The following SPATA17 variants were observed in gnomAD, a reference collection of about 807,000 sequenced individuals.
SPATA17 encodes spermatogenesis associated 17.
A neutral mutation model predicts 62.2 loss-of-function variants in SPATA17; 53 were observed. The ratio of observed to expected loss-of-function variants is 0.85; its 90% CI spans 0.68 to 1.07. SPATA17 has a LOEUF of 1.07. Among genes scored for constraint, SPATA17 ranks in the 50% least tolerant of loss-of-function variants. The probability of loss-of-function intolerance (pLI) is 0.00; values close to 1 mark genes in which losing one functional copy is unlikely to be tolerated. For synonymous variants in SPATA17, 146 were observed against 146.8 expected (o/e 0.99, Z 0.04); for missense variants, 466 against 425.5 (o/e 1.10, Z -0.84).
At chr1:217,651,952 A>G (rs6687659) in intron 3 of SPATA17, among the ~76,000 whole-genome samples, 8,112 of 152,240 alleles carry the variant, frequency 0.053, 703 homozygotes, top group African/African-American at 0.18. Context: ...ATAGTGGTAC[A>G]TTTAATATAC....
Position 217,804,057 on chromosome 1 carries a change from C to A in SPATA17, c.1005+2207C>A, listed in dbSNP as rs141301888. Among the ~76,000 whole-genome samples, 1,037 of 151,824 alleles carry A rather than the reference C, an allele frequency of 6.8e-3. 10 individuals carry two copies. Among genetic ancestry groups the A allele is most frequent in the African/African-American group, 0.024 (984 of 41,448 alleles). ...AAAGAAGAAGAAAAGAAAAAACAATCCTAAAATTCCTGAACCACAAAAGAC... is the reference window on the plus strand; with the variant it reads ...AAAGAAGAAGAAAAGAAAAAACAATACTAAAATTCCTGAACCACAAAAGAC... On this transcript the variant is annotated intron_variant, in intron 9 of 10. Transcript: ENST00000366933.
At chr1:217,733,900 T>C (rs1362899699) in intron 5 of SPATA17, among the ~76,000 whole-genome samples, 1 of 152,214 alleles carries the variant, frequency 6.6e-6, no homozygotes, top group African/African-American at 2.4e-5. Flanking sequence ...TGCTACAGAA[T>C]ATTTCATTTT....
intron 3 of SPATA17, among the ~76,000 whole-genome samples, chr1:217,662,494 A>G (rs943935526): frequency 5.3e-5 from 8 of 152,184 alleles, no homozygotes; most frequent in Non-Finnish European, 8.8e-5. Flanking sequence ...TTATAAAAAT[A>G]ACATTATATA....
intron 5 of SPATA17, among the ~76,000 whole-genome samples, chr1:217,730,934 A>G (rs1247063568): frequency 1.3e-5 from 2 of 152,168 alleles, no homozygotes; most frequent in Non-Finnish European, 2.9e-5. Context: ...CATTATTATG[A>G]AACTCTATTG....
At chr1:217,649,032 G>T in intron 2 of SPATA17, 61 bp downstream of exon 2, 3 of 1,196,754 alleles carry the variant, frequency 2.5e-6, no homozygotes, top group Non-Finnish European at 3.5e-6. Context: ...CTTAGAAAAT[G>T]TAATTTATTC....
At chr1:217,781,952 A>G (rs922764754) in intron 7 of SPATA17, among the ~76,000 whole-genome samples, 1 of 152,200 alleles carries the variant, frequency 6.6e-6, no homozygotes, top group Admixed American at 6.5e-5. Context: ...ACTTCTGTTT[A>G]ATTTTAAAGT....
At chr1:217,797,450 A>G (rs1339527299) in intron 8 of SPATA17, among the ~76,000 whole-genome samples, 1 of 151,866 alleles carries the variant, frequency 6.6e-6, no homozygotes, top group African/African-American at 2.4e-5. Flanking sequence ...AGGTTTTGCC[A>G]TGTTGTCCAG....
intron 5 of SPATA17, among the ~76,000 whole-genome samples, chr1:217,700,126 TG>T (rs1243557916): frequency 6.6e-6 from 1 of 152,108 alleles, no homozygotes; most frequent in African/African-American, 2.4e-5. Context: ...TTTTCAAGGT[TG>T]TTTTCATTTA....
chr1:217,830,168 T>C (rs1675100983), intron 9 of SPATA17, among the ~76,000 whole-genome samples: 1 of 152,142 alleles, frequency 6.6e-6, no homozygotes, highest in African/African-American at 2.4e-5. Context: ...TATAGATTCA[T>C]CTCATATCAT....
intron 5 of SPATA17, among the ~76,000 whole-genome samples, chr1:217,718,253 A>C (rs573295216): frequency 6.6e-6 from 1 of 152,328 alleles, no homozygotes; most frequent in Admixed American, 6.5e-5. Flanking sequence ...TATCTAAAAG[A>C]ATACCTGACT....
At chr1:217,764,276 A>C (rs1056308539) in intron 6 of SPATA17, among the ~76,000 whole-genome samples, 2 of 152,022 alleles carry the variant, frequency 1.3e-5, no homozygotes, top group African/African-American at 4.8e-5. Context: ...TAAGCCACTG[A>C]TCCTTTTACT....
intron 9 of SPATA17, among the ~76,000 whole-genome samples, chr1:217,832,642 A>G (rs1675170929): frequency 6.6e-6 from 1 of 152,124 alleles, no homozygotes; most frequent in African/African-American, 2.4e-5. Context: ...ATTCTCACAT[A>G]AAAATAAAGT....
intron 9 of SPATA17, among the ~76,000 whole-genome samples, chr1:217,815,275 A>G (rs1315030776): frequency 6.6e-6 from 1 of 152,210 alleles, no homozygotes; most frequent in Admixed American, 6.5e-5. Context: ...TTTGGTCTTA[A>G]GAATCAGGAA....
chr1:217,648,549 T>C (rs1195505293), intron 1 of SPATA17, among the ~76,000 whole-genome samples: 2 of 152,194 alleles, frequency 1.3e-5, no homozygotes, highest in Non-Finnish European at 2.9e-5. Context: ...ATTCAAATGA[T>C]TATGTTTTAA....
chr1:217,713,667 A>G (rs144455246), intron 5 of SPATA17, among the ~76,000 whole-genome samples: 1 of 152,222 alleles, frequency 6.6e-6, no homozygotes, highest in Non-Finnish European at 1.5e-5. Flanking sequence ...TTGATCCCTC[A>G]CCTAAGAAAT....
intron 9 of SPATA17, among the ~76,000 whole-genome samples, chr1:217,823,706 G>T (rs1421847946): frequency 6.6e-6 from 1 of 151,794 alleles, no homozygotes; most frequent in Non-Finnish European, 1.5e-5. Flanking sequence ...CTGAAAATGG[G>T]GTGCTGAAGT....
intron 9 of SPATA17, among the ~76,000 whole-genome samples, chr1:217,803,940 C>A (rs61825826): frequency 1.3e-5 from 2 of 151,884 alleles, no homozygotes; most frequent in Non-Finnish European, 2.9e-5. Flanking sequence ...ATCACTCAAA[C>A]CTTGGAGGCA....
At chr1:217,819,528 A>T (rs2102996135) in intron 9 of SPATA17, among the ~76,000 whole-genome samples, 1 of 152,014 alleles carries the variant, frequency 6.6e-6, no homozygotes, top group Non-Finnish European at 1.5e-5. Context: ...TAGCCTTTTA[A>T]CACTTAGTTT....
Position 217,715,829 on chromosome 1 carries a change from A to T in SPATA17, c.396-26146A>T, listed in dbSNP as rs533543173. ...TCAGTGTTTGTTCCCAGTGATGATCATCAGAATCCAGAACTAACAGCTAAC... is the reference window on the plus strand; with the variant it reads ...TCAGTGTTTGTTCCCAGTGATGATCTTCAGAATCCAGAACTAACAGCTAAC... On this transcript the variant is annotated intron_variant, in intron 5 of 10. Transcript: ENST00000366933. Among the ~76,000 whole-genome samples the T allele has an allele frequency of 2.6e-5, 4 of 152,304 alleles. No homozygotes were observed. The East Asian group carries it at 7.7e-4, about 29-fold the overall frequency.
Sources: gnomAD v4.1 joint callset for allele counts (sites outside exome capture counted in the v4.1 genomes callset) on GRCh38, gnomAD v4.1.1 for gene constraint, MANE v1.5 for transcripts, NCBI Gene and HGNC (gene_info 2026-07-23, HGNC 2026-07-21) for gene names.